The following SEMA3D variants were observed in gnomAD, a reference collection of about 807,000 sequenced individuals.
SEMA3D encodes the protein semaphorin 3D.
A neutral mutation model predicts 100.1 loss-of-function variants in SEMA3D; 84 were observed. The ratio of observed to expected loss-of-function variants is 0.84; its 90% CI spans 0.70 to 1.01. SEMA3D has a LOEUF of 1.01. Among genes scored for constraint, SEMA3D ranks in the 50% least tolerant of loss-of-function variants. SEMA3D has a pLI of 0.00. For synonymous variants in SEMA3D, 312 were observed against 320.7 expected, an observed-to-expected ratio of 0.97 and a Z score of 0.29; for missense variants, 875 against 934.1, an observed-to-expected ratio of 0.94 and a Z score of 0.82.
At chr7:85,212,315 A>G in the SEMA3D span, among the ~76,000 whole-genome samples, 2 of 152,072 alleles carry the variant, frequency 1.3e-5, no homozygotes, top group African/African-American at 2.4e-5. Flanking sequence ...ACTTTCCTAG[A>G]TTTTGTTACC....
chr7:85,006,876 C>A lies in SEMA3D; in HGVS notation c.1834G>T (p.Glu612Ter). The A allele has an allele frequency of 1.2e-6, 2 of 1,610,622 alleles. No individual in the cohort carries two copies. The highest frequency in any genetic ancestry group is 1.7e-6 in the Non-Finnish European group (2 of 1,177,784). Residue 612 changes from glutamate to a stop codon, truncating the protein, a stop_gained, in exon 18 of 19, where the codon GAA (glutamate) becomes TAA (stop). Transcript: ENST00000284136. LOFTEE classifies it high-confidence loss of function. ...GCTTGTTGGGATTTAGGTATACATT[C>A]CAGAAAGGTTGAGTTAAATTCAATG... The part of the protein sequence containing the change: ...FGIEFNSTFL[E>*]CIPKSQQATI...
chr7:85,165,159 T>A (rs183693038), intron 1 of SEMA3D, among the ~76,000 whole-genome samples: 225 of 152,126 alleles, frequency 1.5e-3, no homozygotes, highest in Non-Finnish European at 2.3e-3. Flanking sequence ...GGCACATGTA[T>A]ACATGTGTAA....
chr7:85,197,913 A>C, the SEMA3D span, among the ~76,000 whole-genome samples: 1 of 152,194 alleles, frequency 6.6e-6, no homozygotes, highest in Non-Finnish European at 1.5e-5. Flanking sequence ...AAAATCCAAT[A>C]ATCAAAAGAA....
chr7:85,190,639 T>TG (rs1791675563), upstream of SEMA3D, among the ~76,000 whole-genome samples: 1 of 152,032 alleles, frequency 6.6e-6, no homozygotes, highest in South Asian at 2.1e-4. Context: ...TGTTTAATGG[T>TG]GGGGAAAAAA....
At chr7:85,224,185 C>G in the SEMA3D span, among the ~76,000 whole-genome samples, 1 of 152,144 alleles carries the variant, frequency 6.6e-6, no homozygotes, top group African/African-American at 2.4e-5. Flanking sequence ...AACACACACA[C>G]AGGTCTACTT....
chr7:85,156,156 G>A (rs1790590877), intron 1 of SEMA3D, among the ~76,000 whole-genome samples: 1 of 149,680 alleles, frequency 6.7e-6, no homozygotes, highest in South Asian at 2.1e-4. Context: ...AGGCTAGGGT[G>A]CAGTGGCAAG....
chr7:85,150,349 A>ATATATATATATATATATAT (rs1340110549), intron 2 of SEMA3D, among the ~76,000 whole-genome samples: 1 of 125,648 alleles, frequency 8.0e-6, no homozygotes, highest in Non-Finnish European at 1.6e-5. Context: ...TTCTAGAAAT[A>ATATATATATATATATATAT]TATATATATA....
intron 12 of SEMA3D, among the ~76,000 whole-genome samples, chr7:85,025,475 A>T (rs1230065608): frequency 6.6e-6 from 1 of 151,972 alleles, no homozygotes; most frequent in East Asian, 1.9e-4. Context: ...TAGGGCCTTT[A>T]GTAGTGGAAT....
At chr7:85,231,520 G>A in the SEMA3D span, among the ~76,000 whole-genome samples, 2 of 139,592 alleles carry the variant, frequency 1.4e-5, no homozygotes, top group East Asian at 2.1e-4. Context: ...GGGCGATCTC[G>A]GCTCACTGCA....
intron 3 of SEMA3D, among the ~76,000 whole-genome samples, chr7:85,119,180 G>C (rs1192952708): frequency 6.6e-6 from 1 of 152,180 alleles, no homozygotes; most frequent in Non-Finnish European, 1.5e-5. Context: ...GTGTAAATTA[G>C]TTTAACCATT....
chr7:85,036,650 T>C (rs1253683205), intron 12 of SEMA3D, among the ~76,000 whole-genome samples: 3 of 152,116 alleles, frequency 2.0e-5, no homozygotes, highest in African/African-American at 7.2e-5. Context: ...ATGTTGGGGA[T>C]AAGCTCCACA....
At chr7:85,136,875 G>A (rs1379796632) in intron 2 of SEMA3D, among the ~76,000 whole-genome samples, 2 of 152,020 alleles carry the variant, frequency 1.3e-5, no homozygotes, top group Non-Finnish European at 2.9e-5. Flanking sequence ...TCTGAGTTAA[G>A]GGTCTAAAGA....
At chr7:85,071,144 C>A (rs1321008413) in intron 6 of SEMA3D, among the ~76,000 whole-genome samples, 2 of 152,156 alleles carry the variant, frequency 1.3e-5, no homozygotes, top group Non-Finnish European at 1.5e-5. Context: ...TATCCTTAGG[C>A]CTCAAAACAC....
At chr7:85,219,157 A>G in the SEMA3D span, among the ~76,000 whole-genome samples, 1 of 152,224 alleles carries the variant, frequency 6.6e-6, no homozygotes, top group East Asian at 1.9e-4. Context: ...TTGTGGGTGA[A>G]GAACCCTAGG....
chr7:85,095,598 C>T (rs1788525123), intron 4 of SEMA3D, among the ~76,000 whole-genome samples: 1 of 151,950 alleles, frequency 6.6e-6, no homozygotes, highest in African/African-American at 2.4e-5. Context: ...TGGGTCTAAA[C>T]CTAAAGTACT....
At chr7:85,003,331 C>A (rs528597696) in intron 18 of SEMA3D, among the ~76,000 whole-genome samples, 3 of 151,698 alleles carry the variant, frequency 2.0e-5, no homozygotes, top group Non-Finnish European at 4.4e-5. Flanking sequence ...GCAATGAGCT[C>A]GTTATTAAAA....
the SEMA3D span, among the ~76,000 whole-genome samples, chr7:85,242,299 T>A: frequency 7.4e-4 from 113 of 152,312 alleles, 3 homozygotes; most frequent in East Asian, 0.015. Flanking sequence ...CTAATATAAT[T>A]ATTCAGTGCT....
chr7:85,181,040 GA>G (rs1315019213), intron 1 of SEMA3D, among the ~76,000 whole-genome samples: 2 of 152,146 alleles, frequency 1.3e-5, no homozygotes, highest in Non-Finnish European at 2.9e-5. Flanking sequence ...AAAGATCACA[GA>G]GGTAAATTGT....
intron 1 of SEMA3D, among the ~76,000 whole-genome samples, chr7:85,170,094 C>T: frequency 6.6e-6 from 1 of 151,608 alleles, no homozygotes; most frequent in South Asian, 2.1e-4. Flanking sequence ...AGAAGGAATT[C>T]CATTCAGGAT....
Sources: gnomAD v4.1 joint callset for allele counts (sites outside exome capture counted in the v4.1 genomes callset) on GRCh38, gnomAD v4.1.1 for gene constraint, MANE v1.5 for transcripts, NCBI Gene and HGNC (gene_info 2026-07-23, HGNC 2026-07-21) for gene names.